TNKS: variants seen among roughly 807,000 people sequenced by gnomAD.
TNKS encodes the protein tankyrase.
Under a neutral mutation model 135.8 loss-of-function variants are expected in TNKS, and 72 were observed. The ratio of observed to expected loss-of-function variants is 0.53; its 90% CI spans 0.44 to 0.64. The LOEUF is 0.64. Among genes scored for constraint, TNKS ranks in the 30% least tolerant of loss-of-function variants. TNKS has a pLI of 0.00. For missense variants in TNKS, 1,769 were observed against 1,674.0 expected (o/e 1.06, Z -0.99); for synonymous variants, 849 against 649.3 (o/e 1.31, Z -4.68).
intron 3 of TNKS, among the ~76,000 whole-genome samples, chr8:9,637,377 C>A (rs981778005): frequency 2.0e-5 from 3 of 152,098 alleles, no homozygotes; most frequent in Non-Finnish European, 2.9e-5. Context: ...AAACATTGCT[C>A]TTTATAATTC....
At chr8:9,758,438 G>A (rs1386378095) in intron 20 of TNKS, among the ~76,000 whole-genome samples, 4 of 151,716 alleles carry the variant, frequency 2.6e-5, no homozygotes, top group African/African-American at 9.7e-5. Flanking sequence ...CATTCCTTTT[G>A]TGTGACTGTA....
In TNKS at chr8:9,748,172, T is replaced by G. The variant is rs1413664846; in HGVS notation, c.2792T>G (p.Met931Arg). 3.1e-6 allele frequency: 5 copies of G among 1,594,774 alleles called. No individual in the cohort carries two copies. The highest frequency in any genetic ancestry group is 3.4e-6 in the Non-Finnish European group (4 of 1,170,810). ...CTAGCGCATGGTGCAGACCCCACCA[T>G]GAAGAACCAGGAAGGCCAGACGCCT... ...LLLAHGADPT[M>R]KNQEGQTPLD... Residue 931 changes from methionine to arginine, a missense_variant, in exon 18 of 27, where the codon ATG becomes AGG. Met to Arg is a moderately conservative substitution (Grantham distance 91). Coordinates refer to ENST00000310430, the MANE Select transcript of TNKS (RefSeq NM_003747.3).
rs184730929 is a variant in TNKS at position 9,730,509 on chromosome 8, A to G, written c.2002-381A>G. On this transcript the variant is annotated intron_variant, in intron 13 of 26. Transcript: ENST00000310430. ...AGCTCTCTAGTTACACAGTCAACTG[A>G]GGTTGGTGTTGGCACAAGCAGATAC... Among the ~76,000 whole-genome samples the G allele has an allele frequency of 3.3e-5, 5 of 152,184 alleles. No homozygotes were observed. The East Asian group carries it at 9.7e-4, about 30-fold the overall frequency.
intron 19 of TNKS, 75 bp downstream of exon 19, chr8:9,751,921 A>G: frequency 7.6e-7 from 1 of 1,312,050 alleles, no homozygotes. Context: ...TCTATTGATA[A>G]CTATTGAATG....
Position 9,580,290 on chromosome 8 carries a change from T to C in TNKS, c.805T>C (p.Leu269=), listed in dbSNP as rs1798118621. ...CCATGCTGAGGTTGTGAGTCTGTTA[T>C]TGTGCCAAGGAGCTGATCCAAATGC... ...FGHAEVVSLL[L]CQGADPNARD... Residue 269 remains leucine (L), a synonymous_variant, in exon 2 of 27, where the codon TTG becomes CTG. Transcript: ENST00000310430. The C allele has an allele frequency of 1.9e-6, 3 of 1,614,224 alleles. No homozygotes were observed. Among genetic ancestry groups the C allele is most frequent in the Middle Eastern group, 1.6e-4 (1 of 6,062 alleles).
chr8:9,683,292 A>G (rs1802859031), intron 5 of TNKS, among the ~76,000 whole-genome samples: 1 of 152,040 alleles, frequency 6.6e-6, no homozygotes, highest in South Asian at 2.1e-4. Flanking sequence ...TCTAGCTGCT[A>G]AAATTACAAG....
chr8:9,693,569 G>C (rs560035227), intron 5 of TNKS, among the ~76,000 whole-genome samples: 41 of 152,078 alleles, frequency 2.7e-4, no homozygotes, highest in Non-Finnish European at 5.1e-4. Context: ...GGAGAGGATG[G>C]TGAATAAATG....
At chr8:9,564,279 C>T (rs6986386) in intron 1 of TNKS, among the ~76,000 whole-genome samples, 37,360 of 151,710 alleles carry the variant, frequency 0.25, 4,785 homozygotes, top group East Asian at 0.39. Flanking sequence ...TCTTTCCTGA[C>T]GGGAAGTGAT....
chr8:9,631,001 A>G (rs150737665), intron 3 of TNKS, among the ~76,000 whole-genome samples: 1 of 152,262 alleles, frequency 6.6e-6, no homozygotes, highest in African/African-American at 2.4e-5. Flanking sequence ...TAAAATCTTC[A>G]TTCATTTATA....
At chr8:9,760,767 C>A (rs1379358131) in intron 20 of TNKS, among the ~76,000 whole-genome samples, 4 of 152,056 alleles carry the variant, frequency 2.6e-5, no homozygotes, top group African/African-American at 9.7e-5. Context: ...CTAATCATCT[C>A]CATTTTACAA....
chr8:9,556,147 G>A lies in TNKS; in HGVS notation c.208G>A (p.Gly70Ser), dbSNP rs1815282465. The A allele has an allele frequency of 1.2e-6, 2 of 1,608,228 alleles. No individual in the cohort carries two copies. The highest frequency in any genetic ancestry group is 8.5e-7 in the Non-Finnish European group (1 of 1,176,888). The change falls in exon 1 of 27, where the codon GGC (glycine) becomes AGC (serine). Residue 70 changes from glycine (G) to serine (S), a missense_variant. By Grantham distance (56) the Gly-to-Ser change is moderately conservative (BLOSUM62 0). Coordinates refer to ENST00000310430, the MANE Select transcript of TNKS (RefSeq NM_003747.3). ...RHGLALPEGD[G>S]SRDPPDRPRS... ...CGGCCTAGCGCTGCCGGAGGGGGAT[G>A]GCAGTCGGGATCCGCCCGACAGGCC...
chr8:9,716,105 T>C (rs1159161580), intron 11 of TNKS, among the ~76,000 whole-genome samples: 1 of 152,242 alleles, frequency 6.6e-6, no homozygotes, highest in Non-Finnish European at 1.5e-5. Context: ...TTTTTGACAG[T>C]TCATATTCAT....
intron 1 of TNKS, among the ~76,000 whole-genome samples, chr8:9,570,678 C>A (rs1202888709): frequency 1.3e-5 from 2 of 152,194 alleles, no homozygotes; most frequent in Admixed American, 1.3e-4. Context: ...TCAGATGTCC[C>A]TTGTAGATAA....
In TNKS at chr8:9,710,157, G is replaced by A; in HGVS notation, c.1686G>A (p.Leu562=). The A allele has an allele frequency of 1.9e-6, 3 of 1,614,100 alleles. No homozygotes were observed. The highest frequency in any genetic ancestry group is 2.5e-6 in the Non-Finnish European group (3 of 1,180,010). The part of the protein sequence containing the change: ...NEKNKDFMTP[L]HVAAERAHND... ...TTTTCTGTAGTTTCATGACTCCCCT[G>A]CATGTTGCAGCCGAAAGAGCCCATA... is the stretch of plus-strand genomic sequence containing the variant. Residue 562 remains leucine (L), a synonymous_variant, in exon 11 of 27, where the codon CTG becomes CTA. Coordinates refer to ENST00000310430, the MANE Select transcript of TNKS (RefSeq NM_003747.3).
intron 3 of TNKS, among the ~76,000 whole-genome samples, chr8:9,638,402 T>C (rs1187046477): frequency 6.6e-6 from 1 of 152,226 alleles, no homozygotes. Context: ...CTACTTTGAA[T>C]TATGGCTGGT....
At chr8:9,753,880 C>G (rs73533222) in intron 20 of TNKS, among the ~76,000 whole-genome samples, 11,064 of 152,226 alleles carry the variant, frequency 0.073, 1,336 homozygotes, top group African/African-American at 0.25. Context: ...GATCTAATCT[C>G]CAGTCTACAT....
intron 3 of TNKS, among the ~76,000 whole-genome samples, 174 bp downstream of exon 3, chr8:9,615,851 C>T (rs1168224473): frequency 6.6e-6 from 1 of 152,234 alleles, no homozygotes; most frequent in South Asian, 2.1e-4. Context: ...GCTATGCTGT[C>T]GTAAGCATAA....
At chr8:9,650,997 A>T (rs1487830647) in intron 3 of TNKS, among the ~76,000 whole-genome samples, 1 of 152,120 alleles carries the variant, frequency 6.6e-6, no homozygotes, top group Non-Finnish European at 1.5e-5. Context: ...TTTTATATAA[A>T]GTGAGAGATG....
intron 2 of TNKS, among the ~76,000 whole-genome samples, chr8:9,592,999 C>A (rs1253701470): frequency 6.6e-6 from 1 of 152,168 alleles, no homozygotes; most frequent in Non-Finnish European, 1.5e-5. Flanking sequence ...TGATTCTGAT[C>A]ATGCATTAAC....
Sources: allele counts gnomAD v4.1 joint callset (sites outside exome capture counted in the v4.1 genomes callset), GRCh38; gene constraint gnomAD v4.1.1; transcripts MANE v1.5; gene names NCBI Gene and HGNC (gene_info 2026-07-23, HGNC 2026-07-21).